Variants in IGSF21 observed in about 807,000 individuals in gnomAD.
IGSF21 encodes the protein immunoglobulin superfamily member 21.
IGSF21 carries 28 observed loss-of-function variants against 46.8 expected under a neutral mutation model. That is an observed-to-expected ratio of 0.60 (90% CI 0.44 to 0.82). The LOEUF is 0.82. Ranked by LOEUF, IGSF21 falls within the 40% of genes least tolerant of loss-of-function variation. The probability of loss-of-function intolerance (pLI) is 0.00; values close to 1 mark genes in which losing one functional copy is unlikely to be tolerated. For missense variants in IGSF21, 624 were observed against 665.5 expected (o/e 0.94, Z 0.69); for synonymous variants, 284 against 273.6 (o/e 1.04, Z -0.38).
chr1:18,187,519 G>A (rs151293807), intron 1 of IGSF21, among the ~76,000 whole-genome samples: 115 of 152,254 alleles, frequency 7.6e-4, no homozygotes, highest in African/African-American at 2.6e-3. Context: ...TTATAAAACC[G>A]TCAAATTTCA....
chr1:18,351,664 A>AAGTGG (rs2085957044), intron 4 of IGSF21, among the ~76,000 whole-genome samples: 1 of 152,142 alleles, frequency 6.6e-6, no homozygotes, highest in South Asian at 2.1e-4. Context: ...GGGCTTCCAG[A>AAGTGG]GGCTTCTCTC....
intron 4 of IGSF21, among the ~76,000 whole-genome samples, chr1:18,338,079 G>T (rs941634569): frequency 2.0e-5 from 3 of 152,144 alleles, no homozygotes; most frequent in Non-Finnish European, 4.4e-5. Flanking sequence ...TAAGCCCATT[G>T]CACAGACCTG....
chr1:18,283,672 C>T (rs1330866298), intron 2 of IGSF21, among the ~76,000 whole-genome samples: 2 of 152,146 alleles, frequency 1.3e-5, no homozygotes, highest in Non-Finnish European at 2.9e-5. Context: ...CTTCCCTCAA[C>T]ACCCCTGCCC....
Position 18,253,710 on chromosome 1 carries a change from A to G in IGSF21, c.183+25700A>G, listed in dbSNP as rs556878231. ...AGCATTTTATCTGGAAGAGGAGGCA[A>G]TGAAGCCTCTGGGAAACACCCTCTC... On this transcript the variant is annotated intron_variant, in intron 2 of 9. Coordinates refer to ENST00000251296, the MANE Select transcript of IGSF21 (RefSeq NM_032880.5). Among the ~76,000 whole-genome samples the G allele has an allele frequency of 1.9e-4, 29 of 152,322 alleles. 1 individual carries two copies. The South Asian group carries it at 5.0e-3, about 26-fold the overall frequency.
chr1:18,208,084 A>T (rs184092805), intron 1 of IGSF21, among the ~76,000 whole-genome samples: 2 of 152,000 alleles, frequency 1.3e-5, no homozygotes, highest in Admixed American at 1.3e-4. Context: ...TCATTGGCCA[A>T]CAGGGGAGTT....
At chr1:18,368,037 C>A (rs2086185520) in intron 6 of IGSF21, among the ~76,000 whole-genome samples, 1 of 152,024 alleles carries the variant, frequency 6.6e-6, no homozygotes, top group South Asian at 2.1e-4. Flanking sequence ...CCATTATTAT[C>A]CCATGTCACA....
At position 18,234,629 on chromosome 1, in the gene IGSF21, A is replaced by G. The variant is rs569828846; in HGVS notation, c.183+6619A>G. ...GGGAAGCGAACACGTCCTTCTTCAC[A>G]TGGTGGCAGGGAGAAGTGCCAGCAG... On this transcript the variant is annotated intron_variant, in intron 2 of 9. Transcript: ENST00000251296. Among the ~76,000 whole-genome samples, 4 of 152,296 alleles carry G rather than the reference A, an allele frequency of 2.6e-5. No homozygotes were observed. The East Asian group carries it at 5.8e-4, about 22-fold the overall frequency.
chr1:18,361,376 T>G (rs1330758456), intron 4 of IGSF21: 1 of 152,246 alleles, frequency 6.6e-6, no homozygotes, highest in African/African-American at 2.4e-5. Context: ...TTTTTTGTGA[T>G]GTGAAGATAC....
At chr1:18,295,001 TG>T in intron 3 of IGSF21, among the ~76,000 whole-genome samples, 1 of 152,326 alleles carries the variant, frequency 6.6e-6, no homozygotes, top group East Asian at 1.9e-4. Context: ...CCTCTTCAGC[TG>T]GGGAAAGTAG....
chr1:18,310,369 C>T (rs995808802), intron 3 of IGSF21, among the ~76,000 whole-genome samples: 1 of 152,090 alleles, frequency 6.6e-6, no homozygotes, highest in African/African-American at 2.4e-5. Context: ...TTCCTTAAGT[C>T]TAATTTAGAC....
In IGSF21 at chr1:18,343,691, G is replaced by C. The variant is rs187186804; in HGVS notation, c.424+8681G>C. On this transcript the variant is annotated intron_variant, in intron 4 of 9. Coordinates refer to ENST00000251296, the MANE Select transcript of IGSF21 (RefSeq NM_032880.5). ...TCTGGTTGTCCCAGCACCATTTGTC[G>C]AACACACTATTCTATCCCCATTGAA... 6.6e-5 allele frequency among the ~76,000 whole-genome samples: 10 copies of C among 152,310 alleles called. No individual in the cohort carries two copies. The South Asian group carries it at 1.9e-3, about 28-fold the overall frequency.
At chr1:18,313,900 G>T (rs1489476085) in intron 3 of IGSF21, among the ~76,000 whole-genome samples, 1 of 152,154 alleles carries the variant, frequency 6.6e-6, no homozygotes, top group African/African-American at 2.4e-5. Flanking sequence ...GGAAAACTTG[G>T]AAACAGTTTT....
At chr1:18,273,133 C>T (rs553092504) in intron 2 of IGSF21, among the ~76,000 whole-genome samples, 2 of 150,046 alleles carry the variant, frequency 1.3e-5, no homozygotes, top group African/African-American at 2.5e-5. Flanking sequence ...GAAACCTCCA[C>T]CTCCTAGGTT....
At chr1:18,318,325 G>A (rs2085563839) in intron 3 of IGSF21, among the ~76,000 whole-genome samples, 1 of 152,090 alleles carries the variant, frequency 6.6e-6, no homozygotes, top group South Asian at 2.1e-4. Flanking sequence ...TTACATTGTT[G>A]GCAATTGGCA....
chr1:18,271,629 C>T (rs1243983018), intron 2 of IGSF21, among the ~76,000 whole-genome samples: 1 of 152,220 alleles, frequency 6.6e-6, no homozygotes, highest in Admixed American at 6.5e-5. Flanking sequence ...CTCCCCTAGG[C>T]ACCCCAGGGA....
intron 1 of IGSF21, among the ~76,000 whole-genome samples, chr1:18,164,143 C>A (rs2086655803): frequency 6.6e-6 from 1 of 152,106 alleles, no homozygotes; most frequent in Non-Finnish European, 1.5e-5. Context: ...ATTATGACTG[C>A]TCCCTTGTAC....
chr1:18,372,657 T>G (rs200013743), intron 6 of IGSF21, among the ~76,000 whole-genome samples: 124 of 64,288 alleles, frequency 1.9e-3, no homozygotes, highest in Middle Eastern at 0.012. Context: ...TGGATGGATG[T>G]TTGGATGGGT....
chr1:18,168,161 GTC>G (rs2086698220), intron 1 of IGSF21, among the ~76,000 whole-genome samples: 1 of 152,136 alleles, frequency 6.6e-6, no homozygotes, highest in African/African-American at 2.4e-5. Context: ...TGCAAGGAGG[GTC>G]TCTGTTGCTG....
chr1:18,287,253 A>G, intron 2 of IGSF21, among the ~76,000 whole-genome samples: 1 of 146,338 alleles, frequency 6.8e-6, no homozygotes, highest in African/African-American at 2.5e-5. Context: ...AAAATTAGCT[A>G]GGCGTGGTGG....
Sources: allele counts gnomAD v4.1 joint callset (sites outside exome capture counted in the v4.1 genomes callset), GRCh38; gene constraint gnomAD v4.1.1; transcripts MANE v1.5; gene names NCBI Gene and HGNC (gene_info 2026-07-23, HGNC 2026-07-21).